TENM3: variants seen among roughly 807,000 people sequenced by gnomAD.
TENM3 encodes teneurin transmembrane protein 3.
Under a neutral mutation model 255.1 loss-of-function variants are expected in TENM3, and 63 were observed. That is an observed-to-expected ratio of 0.25 (90% CI 0.20 to 0.30). TENM3 has a LOEUF of 0.30. TENM3 is among the 10% of genes least tolerant of loss of function. TENM3 has a pLI of 1.00. For missense variants in TENM3, 2,929 were observed against 3,461.1 expected (o/e 0.85, Z 3.86); for synonymous variants, 1,306 against 1,322.3 (o/e 0.99, Z 0.27).
At chr4:182,765,456 T>C (rs1763630554) in intron 22 of TENM3, among the ~76,000 whole-genome samples, 1 of 152,232 alleles carries the variant, frequency 6.6e-6, no homozygotes. Flanking sequence ...TTTGATCTTC[T>C]TTCTTTGCTC....
At chr4:182,297,852 C>T (rs1338110183) in intron 1 of TENM3, among the ~76,000 whole-genome samples, 3 of 152,160 alleles carry the variant, frequency 2.0e-5, no homozygotes, top group Admixed American at 1.3e-4. Context: ...CAGTGAAGTT[C>T]GAGTGACTCA....
At chr4:182,532,262 G>C (rs1322804242) in intron 3 of TENM3, among the ~76,000 whole-genome samples, 1 of 152,078 alleles carries the variant, frequency 6.6e-6, no homozygotes, top group Non-Finnish European at 1.5e-5. Context: ...TACTCTCTCT[G>C]TACCTCCATT....
intron 1 of TENM3, among the ~76,000 whole-genome samples, chr4:182,289,294 A>G (rs889987515): frequency 5.9e-5 from 9 of 152,364 alleles, no homozygotes; most frequent in African/African-American, 2.2e-4. Flanking sequence ...TGTGTAATGA[A>G]ACATTTGTCC....
chr4:182,628,421 T>C, intron 4 of TENM3, among the ~76,000 whole-genome samples: 1 of 152,226 alleles, frequency 6.6e-6, no homozygotes, highest in East Asian at 1.9e-4. Flanking sequence ...TATGTATAAA[T>C]CCTGCTATCT....
At chr4:181,684,669 C>A in the TENM3 span, among the ~76,000 whole-genome samples, 2 of 152,118 alleles carry the variant, frequency 1.3e-5, no homozygotes, top group African/African-American at 4.8e-5. Context: ...AAGATTAAGA[C>A]TGAGATAAAT....
chr4:182,083,783 C>T, the TENM3 span, among the ~76,000 whole-genome samples: 3 of 152,134 alleles, frequency 2.0e-5, no homozygotes, highest in Non-Finnish European at 2.9e-5. Context: ...ACGTGGCACT[C>T]GTCTCTTTAT....
the TENM3 span, among the ~76,000 whole-genome samples, chr4:181,549,467 T>C: frequency 6.6e-6 from 1 of 152,236 alleles, no homozygotes. Context: ...AGAGCCTGCA[T>C]GAAGCCACCA....
At chr4:181,967,630 T>C in the TENM3 span, among the ~76,000 whole-genome samples, 1 of 152,290 alleles carries the variant, frequency 6.6e-6, no homozygotes, top group Middle Eastern at 3.4e-3. Context: ...GGCTCGGCCC[T>C]TGCTACGGGC....
At chr4:181,569,808 C>T in the TENM3 span, among the ~76,000 whole-genome samples, 3,993 of 152,236 alleles carry the variant, frequency 0.026, 156 homozygotes, top group African/African-American at 0.089. Flanking sequence ...GAACTGTTTT[C>T]GTATCTTTCT....
the TENM3 span, among the ~76,000 whole-genome samples, chr4:181,561,227 T>C: frequency 6.6e-6 from 1 of 152,214 alleles, no homozygotes; most frequent in Non-Finnish European, 1.5e-5. Context: ...GTGTTGGGAT[T>C]ACAGGTGTGA....
intron 3 of TENM3, among the ~76,000 whole-genome samples, chr4:182,510,471 T>C (rs62337219): frequency 0.076 from 11,601 of 152,278 alleles, 505 homozygotes; most frequent in East Asian, 0.11. Context: ...CCTCTTTATC[T>C]TTTAAGGGTT....
the TENM3 span, among the ~76,000 whole-genome samples, chr4:181,865,048 A>G: frequency 6.6e-6 from 1 of 152,188 alleles, no homozygotes; most frequent in Admixed American, 6.5e-5. Context: ...ATCCTGTTCT[A>G]ATTTCCAGTT....
intron 1 of TENM3, among the ~76,000 whole-genome samples, chr4:182,289,275 G>T: frequency 6.6e-6 from 1 of 152,226 alleles, no homozygotes; most frequent in East Asian, 1.9e-4. Flanking sequence ...TAGATGTTTT[G>T]TTTCATGATG....
At chr4:182,249,133 A>G (rs1757834649) in intron 1 of TENM3, among the ~76,000 whole-genome samples, 1 of 152,244 alleles carries the variant, frequency 6.6e-6, no homozygotes, top group Non-Finnish European at 1.5e-5. Context: ...CTGCATAGCT[A>G]ATAAGTGGTA....
chr4:182,232,914 C>T (rs1466574203), intron 1 of TENM3, among the ~76,000 whole-genome samples: 1 of 152,150 alleles, frequency 6.6e-6, no homozygotes, highest in African/African-American at 2.4e-5. Flanking sequence ...GAGATTTCAT[C>T]ACACCACTCA....
chr4:181,887,252 G>GT, the TENM3 span, among the ~76,000 whole-genome samples: 2 of 124,482 alleles, frequency 1.6e-5, no homozygotes, highest in Admixed American at 8.5e-5. Context: ...GTACCTGTGT[G>GT]ATTTTTTTTT....
At chr4:182,533,943 A>G (rs982808541) in intron 3 of TENM3, among the ~76,000 whole-genome samples, 3 of 152,122 alleles carry the variant, frequency 2.0e-5, no homozygotes, top group Non-Finnish European at 2.9e-5. Context: ...TTGATATAGT[A>G]TAGTCCAATA....
At chr4:182,628,250 C>T (rs1044087448) in intron 4 of TENM3, among the ~76,000 whole-genome samples, 2 of 152,064 alleles carry the variant, frequency 1.3e-5, no homozygotes, top group African/African-American at 4.8e-5. Context: ...AGTAAATGGC[C>T]ATGTAGCTGG....
chr4:182,439,147 C>G (rs2151242326), intron 3 of TENM3, among the ~76,000 whole-genome samples: 1 of 152,346 alleles, frequency 6.6e-6, no homozygotes, highest in Non-Finnish European at 1.5e-5. Flanking sequence ...TCCCTCTGTA[C>G]AGATACATCT....
Sources: gnomAD v4.1 joint callset for allele counts (sites outside exome capture counted in the v4.1 genomes callset) on GRCh38, gnomAD v4.1.1 for gene constraint, MANE v1.5 for transcripts, NCBI Gene and HGNC (gene_info 2026-07-23, HGNC 2026-07-21) for gene names.